The following UNC13C variants were observed in gnomAD, a reference collection of about 807,000 sequenced individuals.
The protein encoded by UNC13C is unc-13 homolog C, also known as protein unc-13 homolog C.
In UNC13C, 174 loss-of-function variants were observed where a neutral mutation model predicts 245.4. The observed-to-expected ratio is 0.71, with a 90% CI of 0.63 to 0.80. The LOEUF is 0.80. Ranked by LOEUF, UNC13C falls within the 30% of genes least tolerant of loss-of-function variation. The probability of loss-of-function intolerance (pLI) is 0.00; values close to 1 mark genes in which losing one functional copy is unlikely to be tolerated. For missense variants in UNC13C, 2,829 were observed against 2,602.9 expected (o/e 1.09, Z -1.89); for synonymous variants, 992 against 895.1 (o/e 1.11, Z -1.93).
intron 26 of UNC13C, among the ~76,000 whole-genome samples, chr15:54,541,774 A>G (rs1033281190): frequency 6.6e-6 from 1 of 152,150 alleles, no homozygotes; most frequent in Admixed American, 6.6e-5. Context: ...AGATAATGTT[A>G]CATCATTATG....
chr15:54,170,894 TGA>T (rs1407102530), intron 4 of UNC13C, among the ~76,000 whole-genome samples: 2 of 152,150 alleles, frequency 1.3e-5, no homozygotes, highest in Non-Finnish European at 2.9e-5. Flanking sequence ...ATTGTTTCTG[TGA>T]GAGTCTGCGC....
Position 54,114,572 on chromosome 15 carries a change from G to A in UNC13C, c.2984-28446G>A, listed in dbSNP as rs540017566. Among the ~76,000 whole-genome samples the A allele has an allele frequency of 2.6e-5, 4 of 152,120 alleles. No individual in the cohort carries two copies. In the South Asian group the frequency reaches 8.3e-4, roughly 32 times the overall value. On this transcript the variant is annotated intron_variant, in intron 2 of 32. Transcript: ENST00000260323. ...TAACATATTCTACTATATAAACATA[G>A]CAAAACTTATCCATTCCCTATCAAT...
At chr15:54,040,632 T>A (rs1227519890) in intron 2 of UNC13C, among the ~76,000 whole-genome samples, 1 of 152,164 alleles carries the variant, frequency 6.6e-6, no homozygotes, top group Non-Finnish European at 1.5e-5. Flanking sequence ...CCAGGGCTAT[T>A]AACTTCCAGC....
At chr15:53,968,296 G>C in the UNC13C span, 1 of 151,184 alleles carries the variant, frequency 6.6e-6, no homozygotes, top group Non-Finnish European at 1.5e-5. Context: ...GTGTGAACTA[G>C]TTCTTAAATG....
chr15:54,611,995 C>G (rs1900127987), intron 30 of UNC13C, among the ~76,000 whole-genome samples: 1 of 152,080 alleles, frequency 6.6e-6, no homozygotes, highest in South Asian at 2.1e-4. Flanking sequence ...ATGGATATCT[C>G]ATTTAATGAT....
At chr15:54,011,866 T>C (rs1895394489) in intron 1 of UNC13C, among the ~76,000 whole-genome samples, 1 of 152,222 alleles carries the variant, frequency 6.6e-6, no homozygotes, top group South Asian at 2.1e-4. Context: ...TGGAGAGAGC[T>C]GATAAAAGAG....
the UNC13C span, among the ~76,000 whole-genome samples, chr15:53,932,114 G>T: frequency 1.1e-4 from 16 of 152,082 alleles, no homozygotes; most frequent in African/African-American, 3.6e-4. Context: ...ATTGAGACCA[G>T]CCTGGCCAAC....
intron 4 of UNC13C, among the ~76,000 whole-genome samples, chr15:54,153,591 C>A (rs2115831): frequency 0.98 from 149,256 of 152,180 alleles, 73,264 homozygotes; most frequent in Middle Eastern, 1. Flanking sequence ...CAATTTTACA[C>A]ATCAATAATG....
At chr15:54,037,342 G>A (rs949488085) in intron 2 of UNC13C, among the ~76,000 whole-genome samples, 4 of 152,118 alleles carry the variant, frequency 2.6e-5, no homozygotes, top group East Asian at 1.9e-4. Context: ...ACAATGTGCC[G>A]TGGGCAAATA....
intron 4 of UNC13C, among the ~76,000 whole-genome samples, chr15:54,183,150 A>C (rs963140895): frequency 2.0e-5 from 3 of 151,994 alleles, no homozygotes; most frequent in Non-Finnish European, 4.4e-5. Context: ...AAAAGCAGAG[A>C]TGGGAAAATG....
At chr15:54,243,651 T>C (rs1461971476) in intron 7 of UNC13C, among the ~76,000 whole-genome samples, 2 of 152,178 alleles carry the variant, frequency 1.3e-5, no homozygotes, top group Non-Finnish European at 2.9e-5. Flanking sequence ...GTTTTTTGAC[T>C]TTTTGATAAT....
chr15:54,078,477 C>T (rs1419474323), intron 2 of UNC13C, among the ~76,000 whole-genome samples: 1 of 152,110 alleles, frequency 6.6e-6, no homozygotes, highest in African/African-American at 2.4e-5. Flanking sequence ...TGTTCCCTTT[C>T]TCTGCCTCTT....
rs1897973240 is a variant in UNC13C, at chr15:54,576,788, T to G, written c.6106+8841T>G. On this transcript the variant is annotated intron_variant, in intron 30 of 32. Transcript: ENST00000260323. ...CTAGCACAGTGAGTCATTTTGTGATTGATAATTGGCAACCCTCTCTTCTTA... is the reference window on the plus strand; with the variant it reads ...CTAGCACAGTGAGTCATTTTGTGATGGATAATTGGCAACCCTCTCTTCTTA... 1.3e-5 allele frequency among the ~76,000 whole-genome samples: 2 copies of G among 152,184 alleles called. 1 individual carries two copies. Among genetic ancestry groups the G allele is most frequent in the South Asian group, 4.1e-4 (2 of 4,824 alleles).
intron 30 of UNC13C, among the ~76,000 whole-genome samples, chr15:54,599,799 G>A (rs1320474765): frequency 7.2e-5 from 11 of 151,986 alleles, no homozygotes; most frequent in African/African-American, 2.7e-4. Flanking sequence ...TGGAAATGAA[G>A]GACATCTGCT....
In UNC13C at chr15:54,083,886, T is replaced by G. The variant is rs1166573379; in HGVS notation, c.2984-59132T>G. Among the ~76,000 whole-genome samples the G allele has an allele frequency of 9.2e-5, 14 of 152,180 alleles. No individual in the cohort carries two copies. In the South Asian group the frequency reaches 2.5e-3, roughly 27 times the overall value. The stretch of plus-strand genomic sequence containing the variant: ...GCCAATGATAGGTACATAACCAGTA[T>G]GGTACTCACCATCTCAGTTTGGGTC... On this transcript the variant is annotated intron_variant, in intron 2 of 32. Transcript: ENST00000260323.
chr15:54,622,159 C>T (rs1230940473), intron 30 of UNC13C, among the ~76,000 whole-genome samples, 168 bp from the exon 31 acceptor site: 2 of 152,154 alleles, frequency 1.3e-5, no homozygotes, highest in East Asian at 1.9e-4. Context: ...AAGCTTCAAA[C>T]TTGCATTTCA....
chr15:54,389,030 TA>T, intron 17 of UNC13C, among the ~76,000 whole-genome samples: 1 of 152,292 alleles, frequency 6.6e-6, no homozygotes, highest in South Asian at 2.1e-4. Flanking sequence ...ATCCTATGTT[TA>T]AAATCTTTTA....
intron 2 of UNC13C, among the ~76,000 whole-genome samples, chr15:54,084,283 T>C (rs1236354928): frequency 4.6e-5 from 7 of 152,196 alleles, no homozygotes; most frequent in Admixed American, 1.3e-4. Flanking sequence ...TATTGGTCAG[T>C]TGGATTTAAG....
chr15:54,086,420 C>T (rs552251887), intron 2 of UNC13C, among the ~76,000 whole-genome samples: 1 of 152,128 alleles, frequency 6.6e-6, no homozygotes. Flanking sequence ...CCTTAAGAGT[C>T]ACATGGCATA....
Sources: allele counts gnomAD v4.1 joint callset (sites outside exome capture counted in the v4.1 genomes callset), GRCh38; gene constraint gnomAD v4.1.1; transcripts MANE v1.5; gene names NCBI Gene and HGNC (gene_info 2026-07-23, HGNC 2026-07-21).